EIF2AK3: variants seen among roughly 807,000 people sequenced by gnomAD.
EIF2AK3 encodes the protein eukaryotic translation initiation factor 2-alpha kinase 3.
EIF2AK3 carries 50 observed loss-of-function variants against 113.5 expected under a neutral mutation model. The ratio of observed to expected loss-of-function variants is 0.44; its 90% confidence interval spans 0.35 to 0.56. EIF2AK3 has a LOEUF of 0.56. Among genes scored for constraint, EIF2AK3 ranks in the 20% least tolerant of loss-of-function variants. The pLI, the probability that EIF2AK3 is intolerant of heterozygous loss-of-function variation, is 0.00. For synonymous variants in EIF2AK3, 448 were observed against 495.4 expected, an observed-to-expected ratio of 0.90 and a Z score of 1.27; for missense variants, 1,185 against 1,378.0, an observed-to-expected ratio of 0.86 and a Z score of 2.22.
intron 15 of EIF2AK3, among the ~76,000 whole-genome samples, chr2:88,559,528 G>GT (rs1347156070): frequency 6.6e-6 from 1 of 151,186 alleles, no homozygotes; most frequent in Admixed American, 6.6e-5. Context: ...GTGTGTGTGT[G>GT]TGTGTGTGTG....
At chr2:88,575,833 T>C (rs1279127420) in intron 12 of EIF2AK3, among the ~76,000 whole-genome samples, 1 of 152,152 alleles carries the variant, frequency 6.6e-6, no homozygotes, top group African/African-American at 2.4e-5. Context: ...GGCTTAGTTA[T>C]TGGTTGAGTC....
chr2:88,612,955 T>A (rs1173662601), intron 2 of EIF2AK3, among the ~76,000 whole-genome samples: 1 of 152,146 alleles, frequency 6.6e-6, no homozygotes, highest in East Asian at 1.9e-4. Flanking sequence ...ACTCAAAAGA[T>A]GGACTTATTT....
At chr2:88,617,182 T>C (rs1675607551) in intron 1 of EIF2AK3, among the ~76,000 whole-genome samples, 1 of 152,234 alleles carries the variant, frequency 6.6e-6, no homozygotes, top group Admixed American at 6.5e-5. Flanking sequence ...GACCAGAGGA[T>C]AGCAATGAGA....
chr2:88,559,058 T>G, intron 15 of EIF2AK3, 79 bp from the exon 16 acceptor site: 1 of 953,982 alleles, frequency 1.0e-6, no homozygotes, highest in Non-Finnish European at 1.6e-6. Flanking sequence ...TCTAACAAAA[T>G]GACTAAGAGG....
chr2:88,593,897 C>T, intron 3 of EIF2AK3: 1 of 996,750 alleles, frequency 1.0e-6, no homozygotes, highest in Non-Finnish European at 1.2e-6. Flanking sequence ...AACTAAAATC[C>T]TCACGAAAAG....
chr2:88,609,611 G>C (rs1004604187), intron 2 of EIF2AK3, among the ~76,000 whole-genome samples: 1 of 152,140 alleles, frequency 6.6e-6, no homozygotes, highest in Non-Finnish European at 1.5e-5. Context: ...ACATGCTAAA[G>C]CATGTCTTGA....
Position 88,558,047 on chromosome 2 carries a change from A to G in EIF2AK3, c.3151-111T>C, listed in dbSNP as rs1673831261. Reference sequence around the variant, plus strand: ...TGTACATATTTTAAGCTTTTGAGCCATATTCGAGTTTTCAAGTCTCTGATA... The same window carrying G: ...TGTACATATTTTAAGCTTTTGAGCCGTATTCGAGTTTTCAAGTCTCTGATA... On this transcript the variant is annotated intron_variant, in intron 16 of 16. Coordinates refer to ENST00000303236, the MANE Select transcript of EIF2AK3 (RefSeq NM_004836.7). 1.2e-5 allele frequency: 14 copies of G among 1,140,014 alleles called. 1 individual carries two copies. In the South Asian group the frequency reaches 1.8e-4, roughly 15 times the overall value. The allele number at this position is 1,140,014 out of a possible 1,614,324, so 70.6% of individuals were successfully genotyped here.
chr2:88,558,845 A>G, intron 16 of EIF2AK3, 72 bp downstream of exon 16: 1 of 1,219,746 alleles, frequency 8.2e-7, no homozygotes, highest in Non-Finnish European at 1.2e-6. Flanking sequence ...GGGGAAACTG[A>G]GTCGACTGCT....
At chr2:88,591,961 G>T (rs1674898006) in intron 4 of EIF2AK3, among the ~76,000 whole-genome samples, 2 of 152,110 alleles carry the variant, frequency 1.3e-5, no homozygotes, top group South Asian at 4.1e-4. Context: ...CCTATTCATA[G>T]TCCAAAGTAG....
intron 13 of EIF2AK3, among the ~76,000 whole-genome samples, chr2:88,573,380 A>C (rs1255436550): frequency 1.3e-5 from 2 of 152,218 alleles, no homozygotes; most frequent in Non-Finnish European, 2.9e-5. Flanking sequence ...ATTGTCTTTC[A>C]AGTTGGCATT....
intron 14 of EIF2AK3, among the ~76,000 whole-genome samples, chr2:88,566,460 T>A (rs79084048): frequency 4.2e-4 from 64 of 152,318 alleles, no homozygotes; most frequent in African/African-American, 1.5e-3. Flanking sequence ...CATCATTTTC[T>A]TAATACTTTG....
intron 2 of EIF2AK3, among the ~76,000 whole-genome samples, 166 bp downstream of exon 2, chr2:88,613,558 G>C (rs1486525510): frequency 1.3e-5 from 2 of 152,138 alleles, no homozygotes; most frequent in Admixed American, 6.5e-5. Context: ...CATTTCACAA[G>C]AGGGGAACTG....
chr2:88,558,460 C>T (rs983335460), intron 16 of EIF2AK3, among the ~76,000 whole-genome samples: 1 of 152,060 alleles, frequency 6.6e-6, no homozygotes. Flanking sequence ...TTATGAGCCA[C>T]CCTGGGAATA....
At chr2:88,599,569 C>A (rs1573412263) in intron 2 of EIF2AK3, among the ~76,000 whole-genome samples, 1 of 151,200 alleles carries the variant, frequency 6.6e-6, no homozygotes, top group East Asian at 1.9e-4. Flanking sequence ...TTTTATTTAC[C>A]AGAACACTAG....
intron 9 of EIF2AK3, 31 bp downstream of exon 9, chr2:88,585,810 A>G: frequency 6.2e-7 from 1 of 1,603,636 alleles, no homozygotes; most frequent in South Asian, 1.1e-5. Context: ...GGGGAAGTGG[A>G]AACCAGACAG....
rs1036035211 is a variant in EIF2AK3 at position 88,627,052 on chromosome 2, C to T, written c.223G>A (p.Ala75Thr). 5 of 1,595,758 alleles carry T rather than the reference C, an allele frequency of 3.1e-6. No homozygotes were observed. The African/African-American group carries it at 5.4e-5, about 17-fold the overall frequency. Residue 75 changes from alanine (A) to threonine (T), a missense_variant, in exon 1 of 17, where the codon GCT becomes ACT. Coordinates refer to ENST00000303236, the MANE Select transcript of EIF2AK3 (RefSeq NM_004836.7). ...VAAAEVTVEDAEALPAAAGEQ... is the reference protein window; with the variant it reads ...VAAAEVTVEDTEALPAAAGEQ... The stretch of plus-strand genomic sequence containing the variant: ...CCCGCGGCTGCCGGCAGCGCCTCAG[C>T]GTCCTCCACAGTCACCTCGGCCGCA...
At chr2:88,576,148 G>A (rs1485107976) in intron 12 of EIF2AK3, among the ~76,000 whole-genome samples, 1 of 152,202 alleles carries the variant, frequency 6.6e-6, no homozygotes, top group Non-Finnish European at 1.5e-5. Flanking sequence ...AATGGAGACA[G>A]AAGCAGATAC....
chr2:88,557,991 G>A, intron 16 of EIF2AK3, 55 bp from the exon 17 acceptor site: 1 of 1,561,004 alleles, frequency 6.4e-7, no homozygotes, highest in African/African-American at 1.4e-5. Flanking sequence ...TCACTGTACA[G>A]TTTTTAAAAT....
At chr2:88,591,596 G>A (rs1478294842) in intron 4 of EIF2AK3, among the ~76,000 whole-genome samples, 1 of 152,092 alleles carries the variant, frequency 6.6e-6, no homozygotes, top group Non-Finnish European at 1.5e-5. Context: ...AACAAGATGT[G>A]GCAAGTCATT....
Sources: allele counts gnomAD v4.1 joint callset (sites outside exome capture counted in the v4.1 genomes callset), GRCh38; gene constraint gnomAD v4.1.1; transcripts MANE v1.5; gene names NCBI Gene and HGNC (gene_info 2026-07-23, HGNC 2026-07-21).